The following HMBOX1 variants were observed in gnomAD, a reference collection of about 807,000 sequenced individuals.
HMBOX1 encodes homeobox containing 1.
Under a neutral mutation model 54.5 loss-of-function variants are expected in HMBOX1, and 14 were observed. The ratio of observed to expected loss-of-function variants is 0.26; its 90% confidence interval spans 0.17 to 0.40. The LOEUF (loss-of-function observed/expected upper bound fraction) is 0.40. Among genes scored for constraint, HMBOX1 ranks in the 10% least tolerant of loss-of-function variants. The pLI is 1.00. For missense variants in HMBOX1, 332 were observed against 514.4 expected (o/e 0.65, Z 3.43); for synonymous variants, 160 against 181.0 (o/e 0.88, Z 0.93).
At chr8:28,985,431 A>G (rs1489374364) in intron 4 of HMBOX1, among the ~76,000 whole-genome samples, 2 of 152,190 alleles carry the variant, frequency 1.3e-5, no homozygotes, top group African/African-American at 2.4e-5. Context: ...ATTTCAACAT[A>G]GGAATTTTAG....
chr8:28,998,941 T>C (rs1383083739), intron 4 of HMBOX1, among the ~76,000 whole-genome samples: 2 of 152,148 alleles, frequency 1.3e-5, no homozygotes, highest in African/African-American at 4.8e-5. Context: ...ATTACATTTA[T>C]ATATTGTGTG....
At chr8:29,023,772 C>G (rs964018736) in intron 6 of HMBOX1, among the ~76,000 whole-genome samples, 3 of 152,068 alleles carry the variant, frequency 2.0e-5, no homozygotes, top group African/African-American at 7.2e-5. Context: ...TAAAAAATCC[C>G]CTATTAACCA....
intron 6 of HMBOX1, among the ~76,000 whole-genome samples, chr8:29,035,629 G>A (rs138546052): frequency 3.3e-5 from 5 of 152,318 alleles, no homozygotes; most frequent in East Asian, 1.9e-4. Context: ...CACGGTTTCC[G>A]CTGGTATGAC....
At chr8:29,047,564 CTTT>C (rs33978272) in intron 8 of HMBOX1, 111 bp downstream of exon 8, 4,991 of 304,846 alleles carry the variant, frequency 0.016, 4 homozygotes, top group Middle Eastern at 0.021. Context: ...CCTAACTTCT[CTTT>C]TTTTTTTTTT....
intron 6 of HMBOX1, among the ~76,000 whole-genome samples, chr8:29,029,328 ATAAT>A (rs2133149351): frequency 6.6e-6 from 1 of 152,352 alleles, no homozygotes; most frequent in East Asian, 1.9e-4. Context: ...AGCCAGAGAA[ATAAT>A]TAGAGCAGAA....
rs1802862735 is a variant in HMBOX1 at position 29,030,917 on chromosome 8, C to G, written c.851+12004C>G. Among the ~76,000 whole-genome samples the G allele has an allele frequency of 2.0e-5, 3 of 152,142 alleles. No homozygotes were observed. The South Asian group carries it at 6.2e-4, about 31-fold the overall frequency. The stretch of plus-strand genomic sequence containing the variant: ...GTTATGCATTATAGAAATGAAATAT[C>G]TTGAGGTTGCTGCAATCTGAAAATG... On this transcript the variant is annotated intron_variant, in intron 6 of 9. Transcript: ENST00000287701.
upstream of HMBOX1, chr8:28,890,285 A>G (rs996835467): frequency 5.6e-6 from 1 of 179,752 alleles, no homozygotes; most frequent in Non-Finnish European, 1.2e-5. Context: ...GGCTTGCCGG[A>G]AGTTGTAGTT....
intron 6 of HMBOX1, among the ~76,000 whole-genome samples, chr8:29,033,344 A>G (rs1803315390): frequency 6.6e-6 from 1 of 152,100 alleles, no homozygotes; most frequent in Admixed American, 6.6e-5. Flanking sequence ...AATGAACTAC[A>G]CCTCCTGTAT....
At chr8:29,005,138 TTAAAG>T (rs1467868032) in intron 4 of HMBOX1, among the ~76,000 whole-genome samples, 1 of 152,218 alleles carries the variant, frequency 6.6e-6, no homozygotes, top group African/African-American at 2.4e-5. Context: ...CTTTGTTTTA[TTAAAG>T]TAATAATTAT....
Position 29,048,985 on chromosome 8 carries a change from T to A in HMBOX1, c.1062T>A (p.Asp354Glu), listed in dbSNP as rs1563649193. The A allele has an allele frequency of 6.2e-7, 1 of 1,614,038 alleles. No individual in the cohort carries two copies. Among genetic ancestry groups the A allele is most frequent in the East Asian group, 2.2e-5 (1 of 44,892 alleles). The change falls in exon 9 of 10, where the codon GAT becomes GAA. Residue 354 changes from aspartate to glutamate, a missense_variant. Around this residue, in one of 4 missense-constraint regions of HMBOX1, gnomAD observed 69 missense variants for 104.6 expected, o/e 0.66. Transcript: ENST00000287701. ...CAATCCTGGAGAGTCATGGGATAGA[T>A]GTGCAGAGTCCAGGAGGCCACTCAA... ...EAAILESHGIDVQSPGGHSNS... is the reference protein window; with the variant it reads ...EAAILESHGIEVQSPGGHSNS...
chr8:29,011,926 C>T (rs1235462590), intron 5 of HMBOX1, among the ~76,000 whole-genome samples: 1 of 152,128 alleles, frequency 6.6e-6, no homozygotes, highest in East Asian at 1.9e-4. Context: ...ATTTGTTTTT[C>T]AGTAAGATTG....
intron 1 of HMBOX1, among the ~76,000 whole-genome samples, chr8:28,937,733 T>G (rs1820652014): frequency 6.6e-6 from 1 of 152,202 alleles, no homozygotes. Context: ...AAGAACAGCA[T>G]AGACCTAGAA....
chr8:28,936,326 C>G (rs1453040340), intron 1 of HMBOX1, among the ~76,000 whole-genome samples: 1 of 151,910 alleles, frequency 6.6e-6, no homozygotes, highest in East Asian at 1.9e-4. Flanking sequence ...AGACCAGTCC[C>G]TTTCACCAGT....
Position 28,956,492 on chromosome 8 carries a change from A to G in HMBOX1, c.-57-7319A>G, listed in dbSNP as rs114062211. On this transcript the variant is annotated intron_variant, in intron 1 of 9. Coordinates refer to ENST00000287701, the MANE Select transcript of HMBOX1 (RefSeq NM_001135726.3). ...ATTCTGCCTGATACTTATTTTTTAC[A>G]TATAATGTAAGATAAAAATGCAATT... Among the ~76,000 whole-genome samples, 597 of 152,020 alleles carry G rather than the reference A, an allele frequency of 3.9e-3. 3 individuals carry two copies. The highest frequency in any genetic ancestry group is 0.013 in the African/African-American group (542 of 41,436).
chr8:28,913,813 C>T (rs1370075404), intron 1 of HMBOX1, among the ~76,000 whole-genome samples: 2 of 148,844 alleles, frequency 1.3e-5, no homozygotes, highest in Non-Finnish European at 3.0e-5. Flanking sequence ...AGTGCAGTGG[C>T]GTGATCTCAC....
chr8:29,004,066 G>A (rs968820006), intron 4 of HMBOX1, among the ~76,000 whole-genome samples: 1 of 152,104 alleles, frequency 6.6e-6, no homozygotes, highest in Non-Finnish European at 1.5e-5. Context: ...GTAAGAGTGT[G>A]GGGGGAAAGT....
chr8:29,052,132 A>G lies in HMBOX1; in HGVS notation c.*977A>G, dbSNP rs777528822. 2 of 154,014 alleles carry G rather than the reference A, an allele frequency of 1.3e-5. No homozygotes were observed. The highest frequency in any genetic ancestry group is 6.4e-5 in the Admixed American group (1 of 15,690). 9.5% of individuals were successfully genotyped at this position (154,014 alleles called of 1,614,324 possible). On this transcript the variant is annotated 3_prime_UTR_variant, in exon 10 of 10. Coordinates refer to ENST00000287701, the MANE Select transcript of HMBOX1 (RefSeq NM_001135726.3). Reference sequence around the variant, plus strand: ...TTCAAGGATGGAGCTAAGGTCAAAAATGAGTGAAAAAACTTGCAGTGTTTG... The same window carrying G: ...TTCAAGGATGGAGCTAAGGTCAAAAGTGAGTGAAAAAACTTGCAGTGTTTG...
chr8:28,959,526 G>A (rs1018934498), intron 1 of HMBOX1, among the ~76,000 whole-genome samples: 1 of 152,174 alleles, frequency 6.6e-6, no homozygotes, highest in South Asian at 2.1e-4. Flanking sequence ...TAAAACAGCA[G>A]ATAAAGTGGG....
rs114726084 is a variant in HMBOX1 at position 28,922,841 on chromosome 8, G to A, written c.-58+32163G>A. 5.7e-3 allele frequency among the ~76,000 whole-genome samples: 866 copies of A among 152,042 alleles called. 4 individuals are homozygous for A. The highest frequency in any genetic ancestry group is 0.02 in the African/African-American group (841 of 41,458). On this transcript the variant is annotated intron_variant, in intron 1 of 9. Transcript: ENST00000287701. ...GCTTTGGTAGCAACCATACTTTTGTGGCATAATAATAGTTTCCTGGAATAA... is the reference window on the plus strand; with the variant it reads ...GCTTTGGTAGCAACCATACTTTTGTAGCATAATAATAGTTTCCTGGAATAA...
Sources: allele counts gnomAD v4.1 joint callset (sites outside exome capture counted in the v4.1 genomes callset), GRCh38; gene constraint gnomAD v4.1.1; regional missense constraint gnomAD v4.1.1; transcripts MANE v1.5; gene names NCBI Gene and HGNC (gene_info 2026-07-23, HGNC 2026-07-21).